Variants in ACYP2 observed in about 807,000 individuals in gnomAD.
ACYP2 encodes the protein acylphosphatase-2.
A neutral mutation model predicts 11.2 loss-of-function variants in ACYP2; 12 were observed. That is an observed-to-expected ratio of 1.08 (90% CI 0.69 to 1.74). The LOEUF (loss-of-function observed/expected upper bound fraction) is 1.74, where lower values mean the gene tolerates loss of function less well. ACYP2 is among the 40% of genes most tolerant of loss of function. The probability of loss-of-function intolerance (pLI) is 0.00; values close to 1 mark genes in which losing one functional copy is unlikely to be tolerated. For synonymous variants in ACYP2, 43 were observed against 32.2 expected, an observed-to-expected ratio of 1.33 and a Z score of -1.13; for missense variants, 134 against 101.9, an observed-to-expected ratio of 1.31 and a Z score of -1.35.
At chr2:54,264,100 A>C (rs1687908147) in intron 6 of ACYP2, among the ~76,000 whole-genome samples, 2 of 152,278 alleles carry the variant, frequency 1.3e-5, no homozygotes, top group South Asian at 4.1e-4. Context: ...GTGTTCTTAA[A>C]GATGGTGTGT....
At chr2:53,989,250 A>G (rs1338157160) in intron 2 of ACYP2, among the ~76,000 whole-genome samples, 2 of 151,636 alleles carry the variant, frequency 1.3e-5, no homozygotes, top group Admixed American at 1.3e-4. Context: ...ATCTTTCAAT[A>G]ACAAAAAGTC....
intron 6 of ACYP2, among the ~76,000 whole-genome samples, chr2:54,205,838 A>G (rs1243747782): frequency 6.6e-6 from 1 of 152,116 alleles, no homozygotes; most frequent in Non-Finnish European, 1.5e-5. Context: ...ATCTGCAGCT[A>G]ATTTTGCACT....
chr2:54,052,538 T>G (rs1159748850), intron 3 of ACYP2, among the ~76,000 whole-genome samples: 1 of 152,218 alleles, frequency 6.6e-6, no homozygotes. Flanking sequence ...AAGAAACAAT[T>G]GCTCTGTTAA....
At chr2:54,215,751 A>G (rs73938015) in intron 6 of ACYP2, among the ~76,000 whole-genome samples, 1,625 of 152,288 alleles carry the variant, frequency 0.011, 37 homozygotes, top group African/African-American at 0.037. Flanking sequence ...CAGTAAATAT[A>G]TTTCCCTGTA....
intron 6 of ACYP2, among the ~76,000 whole-genome samples, chr2:54,192,999 GAC>G (rs1684299196): frequency 6.6e-6 from 1 of 152,196 alleles, no homozygotes. Flanking sequence ...TTTGGGTAGA[GAC>G]ACAGAGCCAA....
chr2:54,035,009 CAA>C (rs550142135), intron 2 of ACYP2, among the ~76,000 whole-genome samples: 162 of 44,760 alleles, frequency 3.6e-3, no homozygotes, highest in African/African-American at 6.8e-3. Flanking sequence ...GACTACATCT[CAA>C]AAAAAAAAAA....
chr2:54,017,174 C>T (rs1017254303), intron 2 of ACYP2, among the ~76,000 whole-genome samples: 16 of 152,158 alleles, frequency 1.1e-4, no homozygotes, highest in South Asian at 8.3e-4. Context: ...GCCCTTATCA[C>T]ATCCATGAGG....
chr2:54,116,020 G>A (rs1019558192), intron 4 of ACYP2, among the ~76,000 whole-genome samples: 1 of 152,138 alleles, frequency 6.6e-6, no homozygotes, highest in Non-Finnish European at 1.5e-5. Flanking sequence ...AGAAGTGGGC[G>A]GCTGCTGGGT....
At chr2:54,238,972 A>T (rs572477169) in intron 6 of ACYP2, among the ~76,000 whole-genome samples, 117 of 151,512 alleles carry the variant, frequency 7.7e-4, no homozygotes, top group Non-Finnish European at 1.4e-3. Context: ...GGACTCATAT[A>T]GACCCATCAT....
At chr2:53,994,789 C>G (rs905745589) in intron 2 of ACYP2, among the ~76,000 whole-genome samples, 3 of 152,144 alleles carry the variant, frequency 2.0e-5, no homozygotes, top group African/African-American at 7.2e-5. Context: ...TGACCAAAAG[C>G]CAGTCAACCA....
At chr2:54,115,347 T>C (rs1176060467) in intron 4 of ACYP2, 3 of 503,836 alleles carry the variant, frequency 6.0e-6, no homozygotes, top group African/African-American at 4.1e-5. Context: ...CACTCTTTTT[T>C]TGGGCACAGC....
intron 6 of ACYP2, among the ~76,000 whole-genome samples, chr2:54,182,876 C>G (rs1266451232): frequency 6.6e-6 from 1 of 152,052 alleles, no homozygotes; most frequent in Non-Finnish European, 1.5e-5. Context: ...ACCAGGGAGA[C>G]CTGGCCCCAT....
chr2:54,009,281 G>A (rs1303915389), intron 2 of ACYP2, among the ~76,000 whole-genome samples: 1 of 152,022 alleles, frequency 6.6e-6, no homozygotes, highest in Non-Finnish European at 1.5e-5. Context: ...ATTCCTGGCT[G>A]GATGCAGTGG....
chr2:54,295,911 C>T (rs528567071), intron 6 of ACYP2, among the ~76,000 whole-genome samples: 1 of 152,302 alleles, frequency 6.6e-6, no homozygotes, highest in East Asian at 1.9e-4. Flanking sequence ...CAGGCACCCA[C>T]CGCCATGCCT....
intron 6 of ACYP2, among the ~76,000 whole-genome samples, chr2:54,174,969 A>G (rs985267077): frequency 1.3e-5 from 2 of 152,190 alleles, no homozygotes; most frequent in African/African-American, 4.8e-5. Context: ...GTGTTCATCA[A>G]GGATATTGGT....
chr2:54,112,365 G>A (rs1375746232), intron 4 of ACYP2, among the ~76,000 whole-genome samples: 1 of 152,168 alleles, frequency 6.6e-6, no homozygotes, highest in African/African-American at 2.4e-5. Context: ...GCATACATTT[G>A]TTTGTATAAA....
chr2:54,195,239 T>A (rs140141489), intron 6 of ACYP2, among the ~76,000 whole-genome samples: 282 of 152,320 alleles, frequency 1.9e-3, no homozygotes, highest in African/African-American at 6.4e-3. Flanking sequence ...GCATTGCCAG[T>A]CACAAACCAA....
At chr2:54,003,501 C>G (rs988862617) in intron 2 of ACYP2, among the ~76,000 whole-genome samples, 5 of 152,090 alleles carry the variant, frequency 3.3e-5, no homozygotes, top group Non-Finnish European at 5.9e-5. Flanking sequence ...CTCCAGTGAT[C>G]CGCCCACCTC....
chr2:54,098,922 C>T (rs964341135), intron 4 of ACYP2, among the ~76,000 whole-genome samples: 1 of 151,994 alleles, frequency 6.6e-6, no homozygotes, highest in Non-Finnish European at 1.5e-5. Flanking sequence ...GAGATGAGGT[C>T]TTGCTATGTT....
Sources: allele counts gnomAD v4.1 joint callset (sites outside exome capture counted in the v4.1 genomes callset), GRCh38; gene constraint gnomAD v4.1.1; transcripts MANE v1.5; gene names NCBI Gene and HGNC (gene_info 2026-07-23, HGNC 2026-07-21).